SH3PXD2B: variants seen among roughly 807,000 people sequenced by gnomAD.
The protein encoded by SH3PXD2B is SH3 and PX domain-containing protein 2B.
A neutral mutation model predicts 73.1 loss-of-function variants in SH3PXD2B; 37 were observed. The observed-to-expected ratio is 0.51, with a 90% CI of 0.39 to 0.67. The LOEUF is 0.67. Among genes scored for constraint, SH3PXD2B ranks in the 30% least tolerant of loss-of-function variants. The pLI, the probability that SH3PXD2B is intolerant of heterozygous loss-of-function variation, is 0.00. For missense variants in SH3PXD2B, 1,053 were observed against 1,197.8 expected, an observed-to-expected ratio of 0.88 and a Z score of 1.78; for synonymous variants, 457 against 480.5, an observed-to-expected ratio of 0.95 and a Z score of 0.64.
intron 1 of SH3PXD2B, among the ~76,000 whole-genome samples, chr5:172,423,617 A>C (rs1394722313): frequency 1.3e-5 from 2 of 151,508 alleles, no homozygotes; most frequent in African/African-American, 4.9e-5. Flanking sequence ...AGCTGGGCCA[A>C]TCACAGCCAG....
At chr5:172,419,989 G>T (rs189602862) in intron 2 of SH3PXD2B, among the ~76,000 whole-genome samples, 2 of 152,294 alleles carry the variant, frequency 1.3e-5, no homozygotes, top group East Asian at 3.9e-4. Flanking sequence ...CACAGATCTG[G>T]GTAAAGAATG....
At chr5:172,408,571 T>C (rs1260506490) in intron 2 of SH3PXD2B, among the ~76,000 whole-genome samples, 1 of 131,190 alleles carries the variant, frequency 7.6e-6, no homozygotes, top group Non-Finnish European at 1.6e-5. Flanking sequence ...GGAGTTTCCC[T>C]CTTGTTGCCC....
In SH3PXD2B at chr5:172,445,824, G is replaced by A. The variant is rs1279791019; in HGVS notation, c.75+8454C>T. Among the ~76,000 whole-genome samples the A allele has an allele frequency of 6.6e-6, 1 of 152,234 alleles. No homozygotes were observed. Among genetic ancestry groups the A allele is most frequent in the Admixed American group, 6.5e-5 (1 of 15,290 alleles). On this transcript the variant is annotated intron_variant, in intron 1 of 12. Coordinates refer to ENST00000311601, the MANE Select transcript of SH3PXD2B (RefSeq NM_001017995.3). The surrounding 1 kb of genome is among the most constrained non-coding windows in gnomAD (Gnocchi z 5.2). ...TACCACCTGAAGAAGACCCTGGGCT[G>A]AGAGTCATGCCCGCCTGCAGGTGTG...
At chr5:172,328,913 G>A (rs1461925361), downstream of SH3PXD2B, among the ~76,000 whole-genome samples, 2 of 151,752 alleles carry the variant, frequency 1.3e-5, no homozygotes, top group South Asian at 2.1e-4. Context: ...AACCAAGCAT[G>A]GGTGTATGTA....
At chr5:172,388,421 TGAGCCCAG>T (rs1758102332) in intron 4 of SH3PXD2B, among the ~76,000 whole-genome samples, 7 of 152,206 alleles carry the variant, frequency 4.6e-5, no homozygotes, top group Admixed American at 4.6e-4. Flanking sequence ...CCCTTGAAGC[TGAGCCCAG>T]GAAATCTGGC....
chr5:172,363,588 A>C (rs1484881564), intron 6 of SH3PXD2B, among the ~76,000 whole-genome samples: 1 of 152,204 alleles, frequency 6.6e-6, no homozygotes, highest in Non-Finnish European at 1.5e-5. Context: ...GACCTCCCTA[A>C]GGAGGTGACA....
intron 4 of SH3PXD2B, among the ~76,000 whole-genome samples, chr5:172,391,175 A>G (rs1210497701): frequency 6.6e-6 from 1 of 151,900 alleles, no homozygotes; most frequent in African/African-American, 2.4e-5. Context: ...CAGTTACTCT[A>G]TGTTCTCACC....
intron 8 of SH3PXD2B, among the ~76,000 whole-genome samples, chr5:172,354,758 A>G (rs1757234741): frequency 6.6e-6 from 1 of 152,216 alleles, no homozygotes; most frequent in Non-Finnish European, 1.5e-5. Context: ...CAAGTCTTTG[A>G]ATCCAACCAT....
intron 1 of SH3PXD2B, among the ~76,000 whole-genome samples, chr5:172,429,977 T>A (rs1248092114): frequency 6.6e-6 from 1 of 152,186 alleles, no homozygotes; most frequent in African/African-American, 2.4e-5. Context: ...CACAATGGCC[T>A]CGATTTATAT....
At chr5:172,367,820 T>A (rs1581279152) in intron 6 of SH3PXD2B, among the ~76,000 whole-genome samples, 1 of 152,262 alleles carries the variant, frequency 6.6e-6, no homozygotes, top group Middle Eastern at 3.4e-3. Context: ...GTCAATGTGA[T>A]GGCTGGTGCT....
At chr5:172,426,382 C>T (rs1190631199) in intron 1 of SH3PXD2B, among the ~76,000 whole-genome samples, 1 of 152,228 alleles carries the variant, frequency 6.6e-6, no homozygotes, top group African/African-American at 2.4e-5. Context: ...TGGCCACCCA[C>T]CCTTCTCTCT....
chr5:172,444,054 C>T (rs1759607204), intron 1 of SH3PXD2B, among the ~76,000 whole-genome samples: 1 of 152,214 alleles, frequency 6.6e-6, no homozygotes, highest in South Asian at 2.1e-4. Context: ...ATGCCCCCTT[C>T]TCCCAGCAAC....
Position 172,397,804 on chromosome 5 carries a change from T to A in SH3PXD2B, c.233-3165A>T, listed in dbSNP as rs142438577. ...ATATTCCACGTAACTCTTATAGTGC[T>A]CCCAGTCAGCATATGATGGAAAACA... is the stretch of plus-strand genomic sequence containing the variant. On this transcript the variant is annotated intron_variant, in intron 3 of 12. Transcript: ENST00000311601. 3.4e-3 allele frequency among the ~76,000 whole-genome samples: 518 copies of A among 152,270 alleles called. 15 individuals are homozygous for A. In the East Asian group the frequency reaches 0.065, roughly 19 times the overall value.
chr5:172,446,350 G>C (rs1039456843), intron 1 of SH3PXD2B, among the ~76,000 whole-genome samples: 1 of 152,188 alleles, frequency 6.6e-6, no homozygotes, highest in African/African-American at 2.4e-5. Flanking sequence ...ACTTGTGGGT[G>C]CTCACAACTC....
intron 1 of SH3PXD2B, among the ~76,000 whole-genome samples, chr5:172,440,459 A>T (rs537378765): frequency 1.3e-5 from 2 of 152,310 alleles, no homozygotes; most frequent in Admixed American, 1.3e-4. Context: ...ACTTGCATTT[A>T]ACGAGCGGGC....
intron 9 of SH3PXD2B, among the ~76,000 whole-genome samples, chr5:172,351,289 C>T (rs1355800753): frequency 1.3e-5 from 2 of 152,102 alleles, no homozygotes; most frequent in Non-Finnish European, 2.9e-5. Context: ...ACCACCATGC[C>T]CAGCTATTTA....
Position 172,337,174 on chromosome 5 carries a change from C to A in SH3PXD2B, c.*1195G>T, listed in dbSNP as rs1756721441. 2.0e-6 allele frequency: 2 copies of A among 985,512 alleles called. No homozygotes were observed. Among genetic ancestry groups the A allele is most frequent in the Middle Eastern group, 5.2e-4 (1 of 1,916 alleles). 61.0% of individuals were successfully genotyped at this position (985,512 alleles called of 1,614,324 possible). A position where few individuals can be genotyped will look rare whatever the true frequency, so the allele number is the denominator to read the frequency against. On this transcript the variant is annotated 3_prime_UTR_variant, in exon 13 of 13. Coordinates refer to ENST00000311601, the MANE Select transcript of SH3PXD2B (RefSeq NM_001017995.3). ...GGAGATGCAGCTGTTGAGTCCAGGG[C>A]AGCCTTTGGTATAGGCTGCTGTGGG... is the stretch of plus-strand genomic sequence containing the variant.
chr5:172,332,286 C>G (rs558083284), downstream of SH3PXD2B, among the ~76,000 whole-genome samples: 2 of 137,794 alleles, frequency 1.5e-5, no homozygotes, highest in Middle Eastern at 4.4e-3. Flanking sequence ...CACAGTCTTG[C>G]TCTGTCATCC....
intron 8 of SH3PXD2B, among the ~76,000 whole-genome samples, chr5:172,354,617 C>A (rs1757232139): frequency 6.6e-6 from 1 of 152,188 alleles, no homozygotes; most frequent in African/African-American, 2.4e-5. Context: ...CTAGCTCTTG[C>A]AGGTGGAGAG....
Sources: allele counts gnomAD v4.1 joint callset (sites outside exome capture counted in the v4.1 genomes callset), GRCh38; gene constraint gnomAD v4.1.1; non-coding constraint Gnocchi (gnomAD v3.1); transcripts MANE v1.5; gene names NCBI Gene and HGNC (gene_info 2026-07-23, HGNC 2026-07-21).